VPS26A: variants seen among roughly 807,000 people sequenced by gnomAD.
VPS26A encodes VPS26 retromer complex component A.
A neutral mutation model predicts 42.4 loss-of-function variants in VPS26A; 22 were observed. The ratio of observed to expected loss-of-function variants is 0.52; its 90% confidence interval spans 0.37 to 0.74. The LOEUF is 0.74. Among genes scored for constraint, VPS26A ranks in the 30% least tolerant of loss-of-function variants. The pLI, the probability that VPS26A is intolerant of heterozygous loss-of-function variation, is 0.00. For synonymous variants in VPS26A, 110 were observed against 123.5 expected, an observed-to-expected ratio of 0.89 and a Z score of 0.73; for missense variants, 276 against 379.2, an observed-to-expected ratio of 0.73 and a Z score of 2.26.
chr10:69,174,045 A>C lies in VPS26A; in HGVS notation c.*2776A>C, dbSNP rs1589368955. On this transcript the variant is annotated 3_prime_UTR_variant, in exon 9 of 9. Coordinates refer to ENST00000263559, the MANE Select transcript of VPS26A (RefSeq NM_004896.5). ...CAGCAGGACGTGGGCGGGGACAAAT[A>C]AGAGAATAAAAGCTGGCCACCCCCC... 6.6e-6 allele frequency among the ~76,000 whole-genome samples: 1 copy of C among 152,262 alleles called. No individual in the cohort carries two copies. The highest frequency in any genetic ancestry group is 1.5e-5 in the Non-Finnish European group (1 of 68,020).
Position 69,173,795 on chromosome 10 carries a change from G to A in VPS26A, c.*2526G>A, listed in dbSNP as rs1841870478. 6.6e-6 allele frequency among the ~76,000 whole-genome samples: 1 copy of A among 151,982 alleles called. No homozygotes were observed. The highest frequency in any genetic ancestry group is 1.5e-5 in the Non-Finnish European group (1 of 67,954). ...CGGGCAGATCACCTGAGTTCCAGGA[G>A]TTCGAGACCAGCCTGACCAACGTGG... is the stretch of plus-strand genomic sequence containing the variant. On this transcript the variant is annotated 3_prime_UTR_variant, in exon 9 of 9. Transcript: ENST00000263559.
intron 5 of VPS26A, among the ~76,000 whole-genome samples, chr10:69,160,955 A>G (rs1275827158): frequency 1.3e-5 from 2 of 152,184 alleles, no homozygotes; most frequent in Admixed American, 6.5e-5. Flanking sequence ...TGGGCAGATG[A>G]TTTATGTTAG....
chr10:69,163,311 G>A (rs536782779), intron 6 of VPS26A, among the ~76,000 whole-genome samples: 1 of 152,248 alleles, frequency 6.6e-6, no homozygotes, highest in African/African-American at 2.4e-5. Flanking sequence ...TGGCGAACAG[G>A]GTCTCACTAT....
At chr10:69,141,633 G>A (rs988337559) in intron 2 of VPS26A, among the ~76,000 whole-genome samples, 2 of 152,086 alleles carry the variant, frequency 1.3e-5, no homozygotes, top group Non-Finnish European at 2.9e-5. Flanking sequence ...CTTCTGATCA[G>A]ATTTTATCCT....
chr10:69,150,692 C>T (rs957154093), intron 2 of VPS26A, among the ~76,000 whole-genome samples: 3 of 152,132 alleles, frequency 2.0e-5, no homozygotes, highest in African/African-American at 7.2e-5. Context: ...CCACCGCGCC[C>T]GGCAGAGAAT....
In VPS26A at chr10:69,162,428, G is replaced by A; in HGVS notation, c.574G>A (p.Val192Ile). 1 of 1,533,156 alleles carries A rather than the reference G, an allele frequency of 6.5e-7. No homozygotes were observed. The highest frequency in any genetic ancestry group is 9.0e-7 in the Non-Finnish European group (1 of 1,114,230). The allele number at this position is 1,533,156 out of a possible 1,614,324, so 95.0% of individuals were successfully genotyped here. The change falls in exon 6 of 9, where the codon GTT becomes ATT. Residue 192 changes from valine to isoleucine, a missense_variant. Physicochemically the swap from Val to Ile is conservative, Grantham distance 29. Coordinates refer to ENST00000263559, the MANE Select transcript of VPS26A (RefSeq NM_004896.5). Reference sequence around the variant, plus strand: ...TAGGTATCATTTAAAGGATGTGATTGTTGGAAAAATTTACTTCTTATTAGT... The same window carrying A: ...TAGGTATCATTTAAAGGATGTGATTATTGGAAAAATTTACTTCTTATTAGT... ...KSKYHLKDVI[V>I]GKIYFLLVRI...
chr10:69,129,124 T>TGA (rs1257689647), intron 1 of VPS26A, among the ~76,000 whole-genome samples: 1 of 152,144 alleles, frequency 6.6e-6, no homozygotes, highest in Non-Finnish European at 1.5e-5. Context: ...CTCTGCCAAT[T>TGA]AGCATTATCC....
chr10:69,171,474 C>A lies in VPS26A; in HGVS notation c.*205C>A, dbSNP rs887619483. Reference sequence around the variant, plus strand: ...GTATATACATTTTTAAAAGTGCTTTCTTTGAAACACTGGAACTTTGTTAAG... The same window carrying A: ...GTATATACATTTTTAAAAGTGCTTTATTTGAAACACTGGAACTTTGTTAAG... On this transcript the variant is annotated 3_prime_UTR_variant, in exon 9 of 9. Coordinates refer to ENST00000263559, the MANE Select transcript of VPS26A (RefSeq NM_004896.5). 5.1e-6 allele frequency: 2 copies of A among 394,430 alleles called. No individual in the cohort carries two copies. Among genetic ancestry groups the A allele is most frequent in the African/African-American group, 4.3e-5 (2 of 46,722 alleles). The allele number at this position is 394,430 out of a possible 1,614,324, so 24.4% of individuals were successfully genotyped here.
intron 4 of VPS26A, 124 bp from the exon 5 acceptor site, chr10:69,157,923 A>T: frequency 1.3e-6 from 1 of 771,448 alleles, no homozygotes; most frequent in Non-Finnish European, 2.0e-6. Flanking sequence ...GTAATGAAGT[A>T]AGTTGATCCC....
Position 69,172,278 on chromosome 10 carries a change from T to C in VPS26A, c.*1009T>C, listed in dbSNP as rs151089172. The C allele has an allele frequency of 6.6e-6, 1 of 152,318 alleles. No individual in the cohort carries two copies. The highest frequency in any genetic ancestry group is 1.9e-4 in the East Asian group (1 of 5,196). 9.4% of individuals were successfully genotyped at this position (152,318 alleles called of 1,614,324 possible). A position where few individuals can be genotyped will look rare whatever the true frequency, so the allele number is the denominator to read the frequency against. ...GAACTTTGGCTAGTTAAACTCATATTGAAACTTCATCTAGTCTCTTAATTT... is the reference window on the plus strand; with the variant it reads ...GAACTTTGGCTAGTTAAACTCATATCGAAACTTCATCTAGTCTCTTAATTT... On this transcript the variant is annotated 3_prime_UTR_variant, in exon 9 of 9. Coordinates refer to ENST00000263559, the MANE Select transcript of VPS26A (RefSeq NM_004896.5).
chr10:69,132,879 C>T lies in VPS26A; in HGVS notation c.4-19C>T. ...ACTGACTAAACATGATAATTATGACCATTTTCATTTTATTTCAGAGTTTTC... is the reference window on the plus strand; with the variant it reads ...ACTGACTAAACATGATAATTATGACTATTTTCATTTTATTTCAGAGTTTTC... On this transcript the variant is annotated intron_variant, in intron 1 of 8. Transcript: ENST00000263559. 2 of 1,569,124 alleles carry T rather than the reference C, an allele frequency of 1.3e-6. No homozygotes were observed. Among genetic ancestry groups the T allele is most frequent in the Non-Finnish European group, 1.7e-6 (2 of 1,165,796 alleles).
intron 2 of VPS26A, among the ~76,000 whole-genome samples, chr10:69,148,779 G>A (rs1451194007): frequency 1.4e-5 from 2 of 140,866 alleles, no homozygotes; most frequent in Non-Finnish European, 3.0e-5. Flanking sequence ...TTTTTGAGAC[G>A]GAGTCTCACT....
intron 2 of VPS26A, among the ~76,000 whole-genome samples, chr10:69,150,058 TTTTATTTTTA>T (rs931559246): frequency 4.6e-4 from 69 of 149,638 alleles, no homozygotes; most frequent in African/African-American, 3.5e-4. Flanking sequence ...ATTTATTTTA[TTTTATTTTTA>T]TTTATTTTTT....
Position 69,148,147 on chromosome 10 carries a change from T to G in VPS26A, c.154-7665T>G, listed in dbSNP as rs545390302. Among the ~76,000 whole-genome samples, 32 of 152,336 alleles carry G rather than the reference T, an allele frequency of 2.1e-4. No individual in the cohort carries two copies. In the South Asian group the frequency reaches 6.4e-3, roughly 31 times the overall value. On this transcript the variant is annotated intron_variant, in intron 2 of 8. Transcript: ENST00000263559. ...AACCTCTTATTGTATCTATTTAAGG[T>G]AAAGAGATATTTAGTAATTAAGATA...
chr10:69,149,585 G>A (rs1456226722), intron 2 of VPS26A, among the ~76,000 whole-genome samples: 1 of 151,888 alleles, frequency 6.6e-6, no homozygotes, highest in African/African-American at 2.4e-5. Flanking sequence ...GCTCACTGTA[G>A]CCACAAACTA....
chr10:69,156,819 G>C (rs929004293), intron 3 of VPS26A, among the ~76,000 whole-genome samples, 188 bp from the exon 4 acceptor site: 2 of 152,198 alleles, frequency 1.3e-5, no homozygotes, highest in East Asian at 1.9e-4. Flanking sequence ...TATGCCACTT[G>C]AAATCTTTTA....
At chr10:69,131,536 C>T (rs916139077) in intron 1 of VPS26A, among the ~76,000 whole-genome samples, 3 of 152,258 alleles carry the variant, frequency 2.0e-5, no homozygotes, top group South Asian at 2.1e-4. Context: ...AGATCGAGAC[C>T]GTCCTGGCTA....
At chr10:69,155,391 C>T in intron 2 of VPS26A, among the ~76,000 whole-genome samples, 1 of 152,140 alleles carries the variant, frequency 6.6e-6, no homozygotes, top group Non-Finnish European at 1.5e-5. Context: ...GTTAGTCTTG[C>T]TTGATTTAAA....
intron 1 of VPS26A, among the ~76,000 whole-genome samples, chr10:69,127,777 A>C (rs541563875): frequency 8.3e-6 from 1 of 121,186 alleles, no homozygotes; most frequent in African/African-American, 3.4e-5. Flanking sequence ...TCTGCCGCCC[A>C]GTCAGTGGCT....
Sources: gnomAD v4.1 joint callset for allele counts (sites outside exome capture counted in the v4.1 genomes callset) on GRCh38, gnomAD v4.1.1 for gene constraint, MANE v1.5 for transcripts, NCBI Gene and HGNC (gene_info 2026-07-23, HGNC 2026-07-21) for gene names.